Variants in TTLL6 observed in about 807,000 individuals in gnomAD.
The protein encoded by TTLL6 is tubulin polyglutamylase TTLL6.
In TTLL6, 75 loss-of-function variants were observed where a neutral mutation model predicts 96.4. The ratio of observed to expected loss-of-function variants is 0.78; its 90% CI spans 0.65 to 0.94. The LOEUF (loss-of-function observed/expected upper bound fraction) is 0.94. Among genes scored for constraint, TTLL6 ranks in the 40% least tolerant of loss-of-function variants. The probability of loss-of-function intolerance (pLI) is 0.00; values close to 1 mark genes in which losing one functional copy is unlikely to be tolerated. For missense variants in TTLL6, 1,030 were observed against 1,093.0 expected, an observed-to-expected ratio of 0.94 and a Z score of 0.81; for synonymous variants, 411 against 419.4, an observed-to-expected ratio of 0.98 and a Z score of 0.24.
chr17:48,790,169 C>T lies in TTLL6; in HGVS notation c.1225-63G>A, dbSNP rs1057343562. On this transcript the variant is annotated intron_variant, in intron 9 of 15. Coordinates refer to ENST00000393382, the MANE Select transcript of TTLL6 (RefSeq NM_001130918.3). ...CCAGAATGAAAGCAGAGAGTGAGGC[C>T]GAGGTGCCACCTCCAGGGCACTACC... 1.4e-5 allele frequency: 22 copies of T among 1,570,334 alleles called. No individual in the cohort carries two copies. In the East Asian group the frequency reaches 2.5e-4, roughly 18 times the overall value.
chr17:48,779,783 C>T (rs1278707787), intron 13 of TTLL6, among the ~76,000 whole-genome samples: 1 of 152,140 alleles, frequency 6.6e-6, no homozygotes. Context: ...AGATATGGTA[C>T]TGAGCCAAAG....
At chr17:48,766,606 G>A (rs1312786260) in intron 15 of TTLL6, among the ~76,000 whole-genome samples, 1 of 152,176 alleles carries the variant, frequency 6.6e-6, no homozygotes, top group Non-Finnish European at 1.5e-5. Context: ...GCTCATATCT[G>A]TAATCCTAGC....
intron 1 of TTLL6, among the ~76,000 whole-genome samples, chr17:48,807,924 C>T (rs888353945): frequency 5.9e-5 from 9 of 151,508 alleles, no homozygotes; most frequent in South Asian, 2.1e-4. Context: ...CTGCAAGCTC[C>T]GCCTCCTGGG....
intron 15 of TTLL6, among the ~76,000 whole-genome samples, chr17:48,763,900 G>T (rs2143149172): frequency 6.6e-6 from 1 of 152,292 alleles, no homozygotes; most frequent in Non-Finnish European, 1.5e-5. Context: ...GGAAGCAGAG[G>T]TTGCAGTGAG....
intron 14 of TTLL6, 61 bp downstream of exon 14, chr17:48,769,667 G>C: frequency 6.4e-7 from 1 of 1,564,194 alleles, no homozygotes; most frequent in Non-Finnish European, 8.7e-7. Flanking sequence ...ATTAGGACTG[G>C]TTCTATCGGT....
rs1395543261 is a variant in TTLL6, at chr17:48,801,507, C to A, written c.480+18G>T. The A allele has an allele frequency of 1.3e-6, 2 of 1,551,584 alleles. No individual in the cohort carries two copies. Among genetic ancestry groups the A allele is most frequent in the Admixed American group, 3.9e-5 (2 of 50,996 alleles). On this transcript the variant is annotated intron_variant, in intron 4 of 15. Coordinates refer to ENST00000393382, the MANE Select transcript of TTLL6 (RefSeq NM_001130918.3). ...AAGATGGCACACTTAAACCAAGGAC[C>A]ATCACTAGCCCAAATACCTGGTAAC...
Position 48,805,003 on chromosome 17 carries a change from G to T in TTLL6, c.104-12C>A. 4 of 1,545,716 alleles carry T rather than the reference G, an allele frequency of 2.6e-6. No homozygotes were observed. Among genetic ancestry groups the T allele is most frequent in the Non-Finnish European group, 3.5e-6 (4 of 1,142,068 alleles). On this transcript the variant is annotated splice_polypyrimidine_tract_variant and intron_variant, in intron 1 of 15. Transcript: ENST00000393382. Reference sequence around the variant, plus strand: ...GAAATACCAGGCCCCTAGAGAGAGGGCAGAGGGAGCCGCAGTTACAGAGAT... The same window carrying T: ...GAAATACCAGGCCCCTAGAGAGAGGTCAGAGGGAGCCGCAGTTACAGAGAT...
At chr17:48,797,513 G>A (rs570754961) in intron 6 of TTLL6, among the ~76,000 whole-genome samples, 65 of 152,312 alleles carry the variant, frequency 4.3e-4, no homozygotes, top group African/African-American at 1.3e-3. Context: ...GAAGCCAGGC[G>A]TGGTGGCTCA....
At chr17:48,787,130 G>C (rs1050190920) in intron 11 of TTLL6, among the ~76,000 whole-genome samples, 1 of 151,790 alleles carries the variant, frequency 6.6e-6, no homozygotes, top group African/African-American at 2.4e-5. Context: ...CGCCTGGCCT[G>C]TCATCATCTT....
At chr17:48,786,855 A>ATTTT (rs1567723930) in intron 11 of TTLL6, among the ~76,000 whole-genome samples, 26 of 115,092 alleles carry the variant, frequency 2.3e-4, no homozygotes, top group African/African-American at 8.8e-4. Context: ...TTTTTTTGAG[A>ATTTT]TGGAGTCTCG....
Position 48,784,825 on chromosome 17 carries a change from A to G in TTLL6, c.2040+98T>C, listed in dbSNP as rs1047677772. 15 of 984,128 alleles carry G rather than the reference A, an allele frequency of 1.5e-5. No individual in the cohort carries two copies. In the African/African-American group the frequency reaches 2.2e-4, roughly 15 times the overall value. 61.0% of individuals were successfully genotyped at this position (984,128 alleles called of 1,614,324 possible). On this transcript the variant is annotated intron_variant, in intron 13 of 15. Transcript: ENST00000393382. ...GAGACACCAAGGCCCAGGGAGGCTCAGTGGCTTACTCAAAGGGTCACAGCA... is the reference window on the plus strand; with the variant it reads ...GAGACACCAAGGCCCAGGGAGGCTCGGTGGCTTACTCAAAGGGTCACAGCA...
At chr17:48,798,331 C>T (rs1439394917) in intron 6 of TTLL6, among the ~76,000 whole-genome samples, 1 of 152,092 alleles carries the variant, frequency 6.6e-6, no homozygotes, top group Admixed American at 6.5e-5. Flanking sequence ...CTTTTGGAGG[C>T]CAAGTCAGGC....
At position 48,785,136 on chromosome 17, in the gene TTLL6, C is replaced by T. The variant is rs1597976256; in HGVS notation, c.1827G>A (p.Arg609=). 6.2e-7 allele frequency: 1 copy of T among 1,614,146 alleles called. No homozygotes were observed. Among genetic ancestry groups the T allele is most frequent in the South Asian group, 1.1e-5 (1 of 91,072 alleles). The change falls in exon 13 of 16, where the codon AGG becomes AGA. Residue 609 remains arginine (R), a synonymous_variant. Coordinates refer to ENST00000393382, the MANE Select transcript of TTLL6 (RefSeq NM_001130918.3). ...TGAGGCTGCTGTCTGTTTCATTTTT[C>T]CTTTCACCTCTGACACTCAAGAGCA... ...PDLLLSVRGE[R]KNETDSSLNQ... is the part of the protein sequence containing the mutation.
rs148354436 is a variant in TTLL6, at chr17:48,769,031, G to A, written c.2634C>T (p.Ser878=). ...DPCMQDQEAY[S]HCLISGQKGC... ...CTTTTTGGCCAGAGATCAGGCAATG[G>A]CTGTATGCTTCTTGATCCTGCATAC... is the stretch of plus-strand genomic sequence containing the variant. Residue 878 remains serine (S), a synonymous_variant, in exon 15 of 16, where the codon AGC becomes AGT. Transcript: ENST00000393382. 5.9e-4 allele frequency: 949 copies of A among 1,614,030 alleles called. 5 individuals are homozygous for A. Among genetic ancestry groups the A allele is most frequent in the Non-Finnish European group, 2.2e-4 (261 of 1,180,020 alleles).
intron 1 of TTLL6, among the ~76,000 whole-genome samples, chr17:48,816,319 A>G (rs1384081292): frequency 6.6e-6 from 1 of 151,796 alleles, no homozygotes; most frequent in Non-Finnish European, 1.5e-5. Flanking sequence ...AAAATATAAT[A>G]ATAAGATTGG....
intron 1 of TTLL6, among the ~76,000 whole-genome samples, chr17:48,813,872 T>C (rs73989208): frequency 0.028 from 4,218 of 152,246 alleles, 165 homozygotes; most frequent in South Asian, 0.097. Context: ...CTCTGCCCTC[T>C]GCCAGTCTGT....
At chr17:48,805,076 G>A (rs953759047) in intron 1 of TTLL6, 85 bp from the exon 2 acceptor site, 9 of 1,113,362 alleles carry the variant, frequency 8.1e-6, no homozygotes, top group African/African-American at 6.3e-5. Flanking sequence ...TAGAGACCCA[G>A]GGTTCTAATT....
At chr17:48,788,168 C>T (rs546059813) in intron 10 of TTLL6, among the ~76,000 whole-genome samples, 169 bp from the exon 11 acceptor site, 1 of 152,330 alleles carries the variant, frequency 6.6e-6, no homozygotes, top group Admixed American at 6.5e-5. Context: ...AAAGGAGATT[C>T]TAGCCCTCCT....
At chr17:48,777,049 C>CT (rs55732600) in intron 13 of TTLL6, among the ~76,000 whole-genome samples, 1 of 147,610 alleles carries the variant, frequency 6.8e-6, no homozygotes, top group East Asian at 2.0e-4. Flanking sequence ...CACACACACA[C>CT]CCCTAAAAAA....
Sources: allele counts gnomAD v4.1 joint callset (sites outside exome capture counted in the v4.1 genomes callset), GRCh38; gene constraint gnomAD v4.1.1; transcripts MANE v1.5; gene names NCBI Gene and HGNC (gene_info 2026-07-23, HGNC 2026-07-21).